Variants in NECTIN3 observed in about 807,000 individuals in gnomAD.
The protein encoded by NECTIN3 is nectin cell adhesion molecule 3, also known as nectin-3.
A neutral mutation model predicts 49.4 loss-of-function variants in NECTIN3; 8 were observed. That is an observed-to-expected ratio of 0.16 (90% confidence interval 0.10 to 0.29). The LOEUF (loss-of-function observed/expected upper bound fraction) is 0.29. Among genes scored for constraint, NECTIN3 ranks in the 10% least tolerant of loss-of-function variants. The probability of loss-of-function intolerance (pLI) is 1.00; values close to 1 mark genes in which losing one functional copy is unlikely to be tolerated. For synonymous variants in NECTIN3, 277 were observed against 241.1 expected, an observed-to-expected ratio of 1.15 and a Z score of -1.38; for missense variants, 581 against 654.6, an observed-to-expected ratio of 0.89 and a Z score of 1.23.
chr3:111,099,249 C>T (rs1257995496), intron 1 of NECTIN3, among the ~76,000 whole-genome samples: 1 of 152,176 alleles, frequency 6.6e-6, no homozygotes, highest in Non-Finnish European at 1.5e-5. Context: ...ACACACTTCT[C>T]TCATTGGTTT....
intron 1 of NECTIN3, among the ~76,000 whole-genome samples, chr3:111,079,740 G>A (rs1212364679): frequency 3.3e-5 from 5 of 151,696 alleles, no homozygotes; most frequent in East Asian, 2.0e-4. Flanking sequence ...CTGCATTTCT[G>A]CTTGTTAAAT....
chr3:111,111,836 C>CT lies in NECTIN3; in HGVS notation c.161-189dup, dbSNP rs574428590. 1.3e-4 allele frequency among the ~76,000 whole-genome samples: 20 copies of CT among 151,598 alleles called. 1 individual carries two copies. The South Asian group carries it at 4.2e-3, about 32-fold the overall frequency. ...AGCCCAGAAAACACCTAGTTCATTT[C>CT]TTTTTGTTACTCAGTTGTACGTTTT... On this transcript the variant is annotated intron_variant, in intron 1 of 5. Coordinates refer to ENST00000485303, the MANE Select transcript of NECTIN3 (RefSeq NM_015480.3).
chr3:111,174,469 G>T (rs1371940717), intron 7 of NECTIN3, among the ~76,000 whole-genome samples: 2 of 152,136 alleles, frequency 1.3e-5, no homozygotes, highest in Non-Finnish European at 1.5e-5. Context: ...TAAATATATG[G>T]AATATGTACC....
rs950894898 is a variant in NECTIN3, at chr3:111,113,317, G to T, written c.502+946G>T. On this transcript the variant is annotated intron_variant, in intron 2 of 5. Coordinates refer to ENST00000485303, the MANE Select transcript of NECTIN3 (RefSeq NM_015480.3). ...TGGAGACTTTGTCAGGGTACTGATA[G>T]CTCCCCTTACTCAATTCATTCTTCC... 2.0e-5 allele frequency among the ~76,000 whole-genome samples: 3 copies of T among 152,120 alleles called. No individual in the cohort carries two copies. The South Asian group carries it at 6.2e-4, about 32-fold the overall frequency.
chr3:111,072,192 G>A lies in NECTIN3; in HGVS notation c.160+15G>A. The A allele has an allele frequency of 7.8e-6, 12 of 1,541,456 alleles. No individual in the cohort carries two copies. Among genetic ancestry groups the A allele is most frequent in the Non-Finnish European group, 1.0e-5 (12 of 1,146,532 alleles). On this transcript the variant is annotated intron_variant, in intron 1 of 5. Transcript: ENST00000485303. ...CAGGCTCTGTGGTAGGTGAACCTCG[G>A]CGGCCGGCGTGGGCTGAGGGAGCCG...
intron 7 of NECTIN3, among the ~76,000 whole-genome samples, chr3:111,157,712 G>C (rs540798144): frequency 3.9e-5 from 6 of 152,142 alleles, no homozygotes; most frequent in South Asian, 4.2e-4. Flanking sequence ...TGTTCTTGTA[G>C]GTTATAGGAA....
upstream of NECTIN3, among the ~76,000 whole-genome samples, chr3:111,189,868 G>A (rs2035783582): frequency 6.6e-6 from 1 of 152,176 alleles, no homozygotes; most frequent in African/African-American, 2.4e-5. Flanking sequence ...CCATGACTGT[G>A]GGCATGTGCT....
chr3:111,081,470 AC>A (rs2107364459), intron 1 of NECTIN3, among the ~76,000 whole-genome samples: 1 of 152,318 alleles, frequency 6.6e-6, no homozygotes, highest in Admixed American at 6.5e-5. Flanking sequence ...TAACCCAGTT[AC>A]TTCTCTCCCT....
At chr3:111,081,344 A>G (rs1404706539) in intron 1 of NECTIN3, among the ~76,000 whole-genome samples, 2 of 152,246 alleles carry the variant, frequency 1.3e-5, no homozygotes, top group African/African-American at 4.8e-5. Flanking sequence ...AGCATCTGTT[A>G]TGTAGAAAGG....
chr3:111,090,341 A>G (rs954605170), intron 1 of NECTIN3, among the ~76,000 whole-genome samples: 5 of 152,082 alleles, frequency 3.3e-5, no homozygotes, highest in East Asian at 1.9e-4. Flanking sequence ...ATAATTCTTC[A>G]TAATTCCATT....
At chr3:111,151,765 C>T (rs2035004119) in intron 7 of NECTIN3, among the ~76,000 whole-genome samples, 1 of 151,816 alleles carries the variant, frequency 6.6e-6, no homozygotes, top group Non-Finnish European at 1.5e-5. Context: ...TGTAAATATT[C>T]ATGACAGTGT....
chr3:111,115,153 TA>T (rs2033638931), intron 2 of NECTIN3, among the ~76,000 whole-genome samples: 1 of 152,194 alleles, frequency 6.6e-6, no homozygotes, highest in Non-Finnish European at 1.5e-5. Flanking sequence ...GTTAAACTCA[TA>T]ATGTCTCCAG....
intron 1 of NECTIN3, among the ~76,000 whole-genome samples, chr3:111,103,399 G>A (rs757284264): frequency 4.0e-5 from 6 of 149,020 alleles, no homozygotes; most frequent in African/African-American, 1.5e-4. Flanking sequence ...GTAAATTTGT[G>A]TTTTTAACTT....
At chr3:111,186,074 AACAGTGAGTGCACATTAAAATATTTAATT>A (rs2035713906) in intron 7 of NECTIN3, among the ~76,000 whole-genome samples, 1 of 152,320 alleles carries the variant, frequency 6.6e-6, no homozygotes, top group Admixed American at 6.5e-5. Flanking sequence ...CCATAAAAAA[AACAGTGAGTGCACATTAAAATATTTAATT>A]ATGTCTAGTA....
chr3:111,092,255 T>C (rs1185517040), intron 1 of NECTIN3, among the ~76,000 whole-genome samples: 1 of 152,252 alleles, frequency 6.6e-6, no homozygotes, highest in Non-Finnish European at 1.5e-5. Context: ...GGTTGTGTTT[T>C]CTTTCACCCT....
At chr3:111,169,307 G>A (rs977288352) in intron 7 of NECTIN3, among the ~76,000 whole-genome samples, 5 of 149,802 alleles carry the variant, frequency 3.3e-5, no homozygotes, top group African/African-American at 1.2e-4. Context: ...AGCCAGGATG[G>A]TCTCGATCTC....
chr3:111,193,305 C>G (rs145238359), intron 1 of NECTIN3: 4 of 1,535,614 alleles, frequency 2.6e-6, no homozygotes, highest in Non-Finnish European at 3.5e-6. Context: ...CTACCAAGAC[C>G]GGAGCCCTGG....
At chr3:111,187,747 A>G (rs1437664940), upstream of NECTIN3, among the ~76,000 whole-genome samples, 3 of 152,208 alleles carry the variant, frequency 2.0e-5, no homozygotes, top group African/African-American at 7.2e-5. Context: ...AAAAGGCAAA[A>G]CAATAGAGAC....
chr3:111,155,278 G>C (rs983610597), intron 7 of NECTIN3, among the ~76,000 whole-genome samples: 1 of 152,186 alleles, frequency 6.6e-6, no homozygotes, highest in Non-Finnish European at 1.5e-5. Context: ...ATGATGTTCA[G>C]ATTATATGAT....
Sources: allele counts gnomAD v4.1 joint callset (sites outside exome capture counted in the v4.1 genomes callset), GRCh38; gene constraint gnomAD v4.1.1; transcripts MANE v1.5; gene names NCBI Gene and HGNC (gene_info 2026-07-23, HGNC 2026-07-21).